The following POLR2B variants were observed in gnomAD, a reference collection of about 807,000 sequenced individuals.
The protein encoded by POLR2B is RNA polymerase II subunit B, also known as DNA-directed RNA polymerase II subunit RPB2.
In POLR2B, 57 loss-of-function variants were observed where a neutral mutation model predicts 144.6. The ratio of observed to expected loss-of-function variants is 0.39; its 90% CI spans 0.32 to 0.49. The LOEUF is 0.49. Among genes scored for constraint, POLR2B ranks in the 20% least tolerant of loss-of-function variants. POLR2B has a pLI of 0.83. For missense variants in POLR2B, 595 were observed against 1,467.4 expected, an observed-to-expected ratio of 0.41 and a Z score of 9.71; for synonymous variants, 442 against 469.8, an observed-to-expected ratio of 0.94 and a Z score of 0.77.
intron 13 of POLR2B, among the ~76,000 whole-genome samples, chr4:57,014,436 C>G (rs1723300034): frequency 6.6e-6 from 1 of 151,762 alleles, no homozygotes; most frequent in Non-Finnish European, 1.5e-5. Flanking sequence ...TCAAGGTGAT[C>G]TGCCCACCTT....
chr4:56,989,340 C>T (rs1029650731), intron 2 of POLR2B, among the ~76,000 whole-genome samples: 9 of 152,228 alleles, frequency 5.9e-5, no homozygotes, highest in Non-Finnish European at 1.0e-4. Context: ...GGCTAATCCA[C>T]ATGGTTGTGA....
chr4:57,006,754 C>T, intron 9 of POLR2B, 62 bp from the exon 10 acceptor site: 1 of 1,309,570 alleles, frequency 7.6e-7, no homozygotes, highest in Non-Finnish European at 1.1e-6. Context: ...CAATATTCCT[C>T]CTGTTGAGAA....
In POLR2B at chr4:56,995,243, C is replaced by T; in HGVS notation, c.577-8C>T. ...TTTATGGCTGTAACTTTCTTATTGT[C>T]CAAATAGGTTCTGATTGCCCAAGAG... On this transcript the variant is annotated splice_region_variant and splice_polypyrimidine_tract_variant and intron_variant, in intron 5 of 24. Transcript: ENST00000314595. The T allele has an allele frequency of 6.3e-7, 1 of 1,596,538 alleles. No homozygotes were observed. The highest frequency in any genetic ancestry group is 8.6e-7 in the Non-Finnish European group (1 of 1,168,274).
intron 16 of POLR2B, among the ~76,000 whole-genome samples, chr4:57,020,065 C>T (rs778782367): frequency 5.6e-4 from 86 of 152,224 alleles, no homozygotes; most frequent in Admixed American, 7.8e-4. Flanking sequence ...GACGGATTCT[C>T]GCTCTGCCAC....
intron 2 of POLR2B, among the ~76,000 whole-genome samples, 173 bp from the exon 3 acceptor site, chr4:56,990,575 C>T (rs529417822): frequency 2.6e-5 from 4 of 152,050 alleles, no homozygotes; most frequent in Non-Finnish European, 4.4e-5. Context: ...AAAATATGCC[C>T]GGTTTCATCC....
At chr4:56,996,677 C>A (rs770452645) in intron 6 of POLR2B, among the ~76,000 whole-genome samples, 4 of 152,086 alleles carry the variant, frequency 2.6e-5, no homozygotes, top group African/African-American at 9.7e-5. Context: ...GGGTACTTAG[C>A]ATACCTGTCA....
intron 13 of POLR2B, among the ~76,000 whole-genome samples, chr4:57,011,320 G>A (rs1042644064): frequency 3.9e-5 from 6 of 152,174 alleles, no homozygotes; most frequent in East Asian, 1.9e-4. Flanking sequence ...CTGAGGTCAG[G>A]AGTTCAAGCG....
intron 1 of POLR2B, among the ~76,000 whole-genome samples, chr4:56,983,974 C>G (rs1402195513): frequency 6.6e-6 from 1 of 151,776 alleles, no homozygotes. Flanking sequence ...AAGCGATTCT[C>G]CTGCCTCAGC....
At chr4:56,993,867 AGTT>A (rs1369925261) in intron 3 of POLR2B, among the ~76,000 whole-genome samples, 1 of 152,166 alleles carries the variant, frequency 6.6e-6, no homozygotes, top group East Asian at 1.9e-4. Flanking sequence ...GCATAGTTCT[AGTT>A]GTCTGGATTT....
intron 1 of POLR2B, among the ~76,000 whole-genome samples, chr4:56,982,286 C>T (rs1722179468): frequency 6.6e-6 from 1 of 152,008 alleles, no homozygotes; most frequent in African/African-American, 2.4e-5. Context: ...GCACATTTGG[C>T]CCTCTGTATC....
chr4:56,981,607 C>A (rs1253841127), intron 1 of POLR2B, among the ~76,000 whole-genome samples: 1 of 152,202 alleles, frequency 6.6e-6, no homozygotes, highest in Non-Finnish European at 1.5e-5. Context: ...TGCCCATGTC[C>A]TCTGAAATGT....
At chr4:56,991,552 T>C (rs1722507576) in intron 3 of POLR2B, among the ~76,000 whole-genome samples, 1 of 152,124 alleles carries the variant, frequency 6.6e-6, no homozygotes, top group African/African-American at 2.4e-5. Context: ...CAAAGTGAGG[T>C]AGGGAAAGCC....
chr4:57,011,190 TC>T, intron 13 of POLR2B, 90 bp downstream of exon 13: 1 of 818,096 alleles, frequency 1.2e-6, no homozygotes, highest in Admixed American at 2.0e-5. Context: ...TGGCATCTTT[TC>T]TTTGAACTTT....
intron 1 of POLR2B, among the ~76,000 whole-genome samples, chr4:56,980,065 G>A (rs1366669189): frequency 6.6e-6 from 1 of 150,774 alleles, no homozygotes; most frequent in Non-Finnish European, 1.5e-5. Flanking sequence ...TAAATCAGAT[G>A]GAAAAAATTG....
intron 3 of POLR2B, among the ~76,000 whole-genome samples, chr4:56,993,825 A>T (rs1722595615): frequency 6.6e-6 from 1 of 152,174 alleles, no homozygotes; most frequent in South Asian, 2.1e-4. Flanking sequence ...AGAGAGGTTT[A>T]TTTTTTAAAA....
intron 2 of POLR2B, among the ~76,000 whole-genome samples, chr4:56,987,471 T>C (rs539353616): frequency 3.3e-5 from 5 of 152,356 alleles, no homozygotes; most frequent in African/African-American, 1.2e-4. Context: ...GATGCCTCTC[T>C]GAGCCCCATC....
At chr4:57,014,316 C>T (rs559702899) in intron 13 of POLR2B, among the ~76,000 whole-genome samples, 63 of 146,756 alleles carry the variant, frequency 4.3e-4, no homozygotes, top group South Asian at 1.3e-3. Context: ...ACCTCAGCCT[C>T]CTGAGGGGCT....
At position 57,023,844 on chromosome 4, in the gene POLR2B, G is replaced by A. The variant is rs1381432429; in HGVS notation, c.2856+93G>A. On this transcript the variant is annotated intron_variant, in intron 20 of 24. Coordinates refer to ENST00000314595, the MANE Select transcript of POLR2B (RefSeq NM_000938.3). This position sits in a 1 kb window ranked among gnomAD's most constrained non-coding sequence, Gnocchi z 4.3. Reference sequence around the variant, plus strand: ...TGCTTTAACTTAAGAGCTCAAAGATGATACAGGTTGAACTTTTTGATTTTA... The same window carrying A: ...TGCTTTAACTTAAGAGCTCAAAGATAATACAGGTTGAACTTTTTGATTTTA... 1.1e-6 allele frequency: 1 copy of A among 889,158 alleles called. No individual in the cohort carries two copies. Among genetic ancestry groups the A allele is most frequent in the Non-Finnish European group, 1.8e-6 (1 of 568,452 alleles). 55.1% of individuals were successfully genotyped at this position (889,158 alleles called of 1,614,324 possible). A position where few individuals can be genotyped will look rare whatever the true frequency, so the allele number is the denominator to read the frequency against.
chr4:57,005,832 A>ATTT, intron 9 of POLR2B, 113 bp downstream of exon 9: 2 of 903,836 alleles, frequency 2.2e-6, no homozygotes, highest in East Asian at 5.2e-5. Flanking sequence ...GTACTTATGA[A>ATTT]ATTAGCTACA....
Sources: gnomAD v4.1 joint callset for allele counts (sites outside exome capture counted in the v4.1 genomes callset) on GRCh38, gnomAD v4.1.1 for gene constraint, Gnocchi (gnomAD v3.1) non-coding constraint, MANE v1.5 for transcripts, NCBI Gene and HGNC (gene_info 2026-07-23, HGNC 2026-07-21) for gene names.